The following LINGO2 variants were observed in gnomAD, a reference collection of about 807,000 sequenced individuals.
LINGO2 encodes the protein leucine-rich repeat and immunoglobulin-like domain-containing nogo receptor-interacting protein 2.
A neutral mutation model predicts 30.6 loss-of-function variants in LINGO2; 14 were observed. The ratio of observed to expected loss-of-function variants is 0.46; its 90% confidence interval spans 0.30 to 0.72. The LOEUF is 0.72. Ranked by LOEUF, LINGO2 falls within the 30% of genes least tolerant of loss-of-function variation. The probability of loss-of-function intolerance (pLI) is 0.07; values close to 1 mark genes in which losing one functional copy is unlikely to be tolerated. For missense variants in LINGO2, 729 were observed against 751.7 expected, an observed-to-expected ratio of 0.97 and a Z score of 0.35; for synonymous variants, 317 against 288.5, an observed-to-expected ratio of 1.10 and a Z score of -1.00.
intron 1 of LINGO2, among the ~76,000 whole-genome samples, chr9:28,491,239 A>C (rs1030244015): frequency 3.9e-5 from 6 of 152,196 alleles, no homozygotes; most frequent in Admixed American, 6.6e-5. Flanking sequence ...TGGAGGCTTC[A>C]GTGATAAATA....
chr9:28,922,719 G>A, the LINGO2 span, among the ~76,000 whole-genome samples: 1 of 152,164 alleles, frequency 6.6e-6, no homozygotes, highest in Non-Finnish European at 1.5e-5. Flanking sequence ...TGTTAATTAA[G>A]TGTCACTACT....
the LINGO2 span, among the ~76,000 whole-genome samples, chr9:29,015,911 C>A: frequency 1.3e-5 from 2 of 152,014 alleles, no homozygotes; most frequent in African/African-American, 2.4e-5. Context: ...AATTATTCAA[C>A]CCCCTTCATC....
chr9:28,112,019 A>C (rs1826812206), intron 4 of LINGO2, among the ~76,000 whole-genome samples: 1 of 128,024 alleles, frequency 7.8e-6, no homozygotes, highest in African/African-American at 3.0e-5. Context: ...CTAATGTGTC[A>C]TCTAGCATTA....
chr9:28,427,351 T>A (rs1823457075), intron 2 of LINGO2, among the ~76,000 whole-genome samples: 1 of 152,080 alleles, frequency 6.6e-6, no homozygotes, highest in Admixed American at 6.6e-5. Flanking sequence ...TTAAGAGATA[T>A]GAAGGCCCGG....
chr9:28,796,280 A>C, the LINGO2 span, among the ~76,000 whole-genome samples: 6 of 152,140 alleles, frequency 3.9e-5, no homozygotes, highest in African/African-American at 1.4e-4. Flanking sequence ...TAATTCTAAA[A>C]ACAGAACACT....
At chr9:28,800,122 A>G in the LINGO2 span, among the ~76,000 whole-genome samples, 1 of 152,114 alleles carries the variant, frequency 6.6e-6, no homozygotes, top group East Asian at 1.9e-4. Context: ...GTCAGCAGTG[A>G]GAAATACAAA....
the LINGO2 span, among the ~76,000 whole-genome samples, chr9:28,856,211 C>T: frequency 6.6e-6 from 1 of 151,954 alleles, no homozygotes; most frequent in Non-Finnish European, 1.5e-5. Context: ...TTCATTTCCA[C>T]AGAGATTTTG....
intron 4 of LINGO2, among the ~76,000 whole-genome samples, chr9:28,046,168 T>G (rs572486891): frequency 3.3e-5 from 5 of 152,340 alleles, no homozygotes; most frequent in African/African-American, 1.2e-4. Context: ...ATCCTTTTGC[T>G]ATTTCAATAG....
chr9:28,660,025 G>C (rs978925019), intron 1 of LINGO2, among the ~76,000 whole-genome samples: 2 of 152,128 alleles, frequency 1.3e-5, no homozygotes, highest in Non-Finnish European at 2.9e-5. Flanking sequence ...AGCAACGTCA[G>C]TGACCAATAT....
chr9:29,015,673 A>T, the LINGO2 span, among the ~76,000 whole-genome samples: 4 of 152,174 alleles, frequency 2.6e-5, no homozygotes, highest in African/African-American at 9.6e-5. Flanking sequence ...GATTAAAAAA[A>T]TATATAGGGT....
At chr9:28,964,015 G>C in the LINGO2 span, among the ~76,000 whole-genome samples, 1 of 151,818 alleles carries the variant, frequency 6.6e-6, no homozygotes, top group Admixed American at 6.6e-5. Flanking sequence ...ATCTAATTGT[G>C]TCAGATACTT....
At chr9:28,980,928 C>T in the LINGO2 span, among the ~76,000 whole-genome samples, 1 of 151,942 alleles carries the variant, frequency 6.6e-6, no homozygotes, top group African/African-American at 2.4e-5. Flanking sequence ...TAGGTTTGTG[C>T]CTGGCATATA....
At chr9:28,088,890 A>G (rs925730327) in intron 4 of LINGO2, among the ~76,000 whole-genome samples, 11 of 152,120 alleles carry the variant, frequency 7.2e-5, no homozygotes, top group Admixed American at 6.6e-4. Context: ...CAAATGGAAA[A>G]CAAAAAAAGG....
intron 1 of LINGO2, among the ~76,000 whole-genome samples, chr9:28,528,380 T>G (rs529553051): frequency 6.6e-6 from 1 of 152,312 alleles, no homozygotes; most frequent in East Asian, 1.9e-4. Context: ...TGGTCTAGTT[T>G]CAGAAAGAGA....
At chr9:28,327,038 A>C (rs1825254762) in intron 3 of LINGO2, among the ~76,000 whole-genome samples, 1 of 152,020 alleles carries the variant, frequency 6.6e-6, no homozygotes, top group Non-Finnish European at 1.5e-5. Flanking sequence ...GCCATTTGGG[A>C]AGTGATTAGG....
At chr9:28,974,750 G>A in the LINGO2 span, among the ~76,000 whole-genome samples, 4 of 152,048 alleles carry the variant, frequency 2.6e-5, no homozygotes, top group Non-Finnish European at 4.4e-5. Flanking sequence ...TACCTGCTAT[G>A]TGCCTGGTAC....
chr9:28,738,968 T>G, the LINGO2 span, among the ~76,000 whole-genome samples: 2 of 152,070 alleles, frequency 1.3e-5, no homozygotes, highest in Admixed American at 1.3e-4. Flanking sequence ...AAGGACACTA[T>G]TTCTCAAATT....
chr9:28,786,118 A>C, the LINGO2 span, among the ~76,000 whole-genome samples: 3 of 152,168 alleles, frequency 2.0e-5, no homozygotes, highest in Non-Finnish European at 4.4e-5. Context: ...CAAATACACA[A>C]TAGGTAATAC....
chr9:28,175,413 T>G (rs1016795360), intron 4 of LINGO2, among the ~76,000 whole-genome samples: 1 of 152,038 alleles, frequency 6.6e-6, no homozygotes, highest in African/African-American at 2.4e-5. Context: ...CACAACTTCC[T>G]CTCATTGGCA....
Sources: gnomAD v4.1 joint callset for allele counts (sites outside exome capture counted in the v4.1 genomes callset) on GRCh38, gnomAD v4.1.1 for gene constraint, MANE v1.5 for transcripts, NCBI Gene and HGNC (gene_info 2026-07-23, HGNC 2026-07-21) for gene names.